DLGAP2: variants seen among roughly 807,000 people sequenced by gnomAD.
The protein encoded by DLGAP2 is DLG associated protein 2.
DLGAP2 carries 26 observed loss-of-function variants against 100.3 expected under a neutral mutation model. The observed-to-expected ratio is 0.26, with a 90% CI of 0.19 to 0.36. DLGAP2 has a LOEUF of 0.36. Ranked by LOEUF, DLGAP2 falls within the 10% of genes least tolerant of loss-of-function variation. DLGAP2 has a pLI of 1.00. For synonymous variants in DLGAP2, 886 were observed against 630.1 expected (o/e 1.41, Z -6.08); for missense variants, 1,858 against 1,453.2 (o/e 1.28, Z -4.53).
chr8:1,104,904 G>A (rs1156839550), intron 2 of DLGAP2: 2 of 152,266 alleles, frequency 1.3e-5, no homozygotes, highest in East Asian at 1.9e-4. Flanking sequence ...AGCACCGGCA[G>A]CTTCCTTCTT....
chr8:1,513,878 C>G (rs1204751745), intron 4 of DLGAP2, among the ~76,000 whole-genome samples: 1 of 152,102 alleles, frequency 6.6e-6, no homozygotes, highest in African/African-American at 2.4e-5. Flanking sequence ...TCAGACCCAT[C>G]CTTGCCTTCC....
chr8:1,550,262 C>CG (rs1475686815), intron 5 of DLGAP2, among the ~76,000 whole-genome samples: 11 of 152,110 alleles, frequency 7.2e-5, no homozygotes, highest in African/African-American at 2.7e-4. Context: ...CATCATTTGC[C>CG]GGGAGACTCG....
chr8:1,255,710 AGCTGTGTGTGTGTCCTC>A (rs1799188537), intron 2 of DLGAP2, among the ~76,000 whole-genome samples: 1 of 64,436 alleles, frequency 1.6e-5, no homozygotes, highest in African/African-American at 7.3e-5. Context: ...TCTGCCTGGG[AGCTGTGTGTGTGTCCTC>A]TCCTGCCCGA....
At chr8:1,053,614 G>A (rs1802787436) in intron 2 of DLGAP2, among the ~76,000 whole-genome samples, 1 of 152,124 alleles carries the variant, frequency 6.6e-6, no homozygotes, top group Non-Finnish European at 1.5e-5. Flanking sequence ...ATAACTGCGA[G>A]GAATTCCGTG....
chr8:1,221,302 A>G (rs948422400), intron 2 of DLGAP2, among the ~76,000 whole-genome samples: 4 of 152,166 alleles, frequency 2.6e-5, no homozygotes, highest in Admixed American at 1.3e-4. Flanking sequence ...GTGCTAATGA[A>G]TTATCTTAGC....
intron 3 of DLGAP2, among the ~76,000 whole-genome samples, chr8:1,386,933 ATGT>A (rs1379258826): frequency 6.6e-6 from 1 of 152,214 alleles, no homozygotes; most frequent in Non-Finnish European, 1.5e-5. Flanking sequence ...GGAAGGTAAA[ATGT>A]TGTATGAGGA....
chr8:936,739 G>A lies in DLGAP2; in HGVS notation c.73+28773G>A, dbSNP rs149180768. Among the ~76,000 whole-genome samples, 600 of 152,268 alleles carry A rather than the reference G, an allele frequency of 3.9e-3. 4 individuals are homozygous for A. The highest frequency in any genetic ancestry group is 0.014 in the African/African-American group (564 of 41,538). ...CTGTTGGGCACTTAGGGTACAGCAT[G>A]GAGGTGGCAGGGAGCTGCTGTTTAA... On this transcript the variant is annotated intron_variant, in intron 2 of 14. Coordinates refer to ENST00000637795, the MANE Select transcript of DLGAP2 (RefSeq NM_001346810.2).
intron 2 of DLGAP2, among the ~76,000 whole-genome samples, chr8:1,038,574 C>G (rs938055021): frequency 3.9e-5 from 6 of 152,212 alleles, no homozygotes; most frequent in Non-Finnish European, 5.9e-5. Flanking sequence ...GAGTAATTCT[C>G]AAGAAGTAGC....
In DLGAP2 at chr8:965,369, T is replaced by C. The variant is rs58437676; in HGVS notation, c.73+57403T>C. Among the ~76,000 whole-genome samples, 375 of 40,396 alleles carry C rather than the reference T, an allele frequency of 9.3e-3. 18 individuals carry two copies. The highest frequency in any genetic ancestry group is 0.017 in the Admixed American group (40 of 2,420). 26.5% of individuals were successfully genotyped at this position (40,396 alleles called of 152,430 possible). A position where few individuals can be genotyped will look rare whatever the true frequency, so the allele number is the denominator to read the frequency against. On this transcript the variant is annotated intron_variant, in intron 2 of 14. Coordinates refer to ENST00000637795, the MANE Select transcript of DLGAP2 (RefSeq NM_001346810.2). Reference sequence around the variant, plus strand: ...ACACAGGGCTCCTGAGTCTGACCCCTGCGCTGTACACGGCACTGTTCATCA... The same window carrying C: ...ACACAGGGCTCCTGAGTCTGACCCCCGCGCTGTACACGGCACTGTTCATCA...
At chr8:987,929 G>A (rs771621078) in intron 2 of DLGAP2, among the ~76,000 whole-genome samples, 6 of 152,028 alleles carry the variant, frequency 3.9e-5, no homozygotes, top group East Asian at 3.9e-4. Flanking sequence ...AATATTCTCC[G>A]TATGTATTAA....
chr8:1,335,389 C>T (rs1475949838), intron 3 of DLGAP2, among the ~76,000 whole-genome samples: 1 of 152,198 alleles, frequency 6.6e-6, no homozygotes, highest in Non-Finnish European at 1.5e-5. Context: ...CCTGTTCACA[C>T]TCAGCAACAC....
At chr8:1,313,084 G>A (rs1800649779) in intron 3 of DLGAP2, among the ~76,000 whole-genome samples, 1 of 152,238 alleles carries the variant, frequency 6.6e-6, no homozygotes, top group Non-Finnish European at 1.5e-5. Context: ...GTGTGCCGGA[G>A]CCCCTGGACC....
rs77101943 is a variant in DLGAP2, at chr8:895,577, C to A, written c.19-12335C>A. ...CTAGAGCCACATTGCATGGGGCCTT[C>A]AGGCCCTTTAACGATGAAATGTTTG... On this transcript the variant is annotated intron_variant, in intron 1 of 14. Transcript: ENST00000637795. Among the ~76,000 whole-genome samples the A allele has an allele frequency of 2.2e-4, 34 of 152,312 alleles. 1 individual carries two copies. In the East Asian group the frequency reaches 6.6e-3, roughly 29 times the overall value.
chr8:1,558,889 C>T (rs994703096), intron 5 of DLGAP2, among the ~76,000 whole-genome samples: 1 of 152,138 alleles, frequency 6.6e-6, no homozygotes, highest in South Asian at 2.1e-4. Context: ...TACACACACA[C>T]ACACACGGCT....
At chr8:747,005 G>C (rs148856192) in intron 1 of DLGAP2, among the ~76,000 whole-genome samples, 12 of 152,108 alleles carry the variant, frequency 7.9e-5, no homozygotes, top group Admixed American at 1.3e-4. Flanking sequence ...CACCATGTCC[G>C]AGCCAGTGGC....
At position 1,287,968 on chromosome 8, in the gene DLGAP2, G is replaced by A. The variant is rs1252997874; in HGVS notation, c.106+29085G>A. Among the ~76,000 whole-genome samples, 79 of 123,368 alleles carry A rather than the reference G, an allele frequency of 6.4e-4. 2 individuals carry two copies. Among genetic ancestry groups the A allele is most frequent in the African/African-American group, 2.4e-3 (74 of 30,502 alleles). 80.9% of individuals were successfully genotyped at this position (123,368 alleles called of 152,430 possible). On this transcript the variant is annotated intron_variant, in intron 3 of 14. Transcript: ENST00000637795. ...TGTGTGTGTGTGTGTGGTTGTTAGGGGAACTAGTTTCGGTTGAGTGTGTGT... is the reference window on the plus strand; with the variant it reads ...TGTGTGTGTGTGTGTGGTTGTTAGGAGAACTAGTTTCGGTTGAGTGTGTGT...
chr8:1,667,793 G>T (rs941974898), intron 8 of DLGAP2, among the ~76,000 whole-genome samples: 2 of 152,188 alleles, frequency 1.3e-5, no homozygotes, highest in Non-Finnish European at 2.9e-5. Flanking sequence ...ACGATGACAT[G>T]ACCTGCGTAG....
At chr8:1,670,286 C>T (rs928560171) in intron 10 of DLGAP2, among the ~76,000 whole-genome samples, 1 of 152,232 alleles carries the variant, frequency 6.6e-6, no homozygotes, top group Admixed American at 6.5e-5. Context: ...TCAGCACGCT[C>T]GGCACAGTGC....
chr8:1,320,581 C>T (rs1018801976), intron 3 of DLGAP2, among the ~76,000 whole-genome samples: 1 of 152,204 alleles, frequency 6.6e-6, no homozygotes, highest in African/African-American at 2.4e-5. Context: ...CCTGGTGCTT[C>T]ATGCTCAGCT....
Sources: allele counts gnomAD v4.1 joint callset (sites outside exome capture counted in the v4.1 genomes callset), GRCh38; gene constraint gnomAD v4.1.1; transcripts MANE v1.5; gene names NCBI Gene and HGNC (gene_info 2026-07-23, HGNC 2026-07-21).